Variants in AHDC1 observed in about 807,000 individuals in gnomAD.
AHDC1 encodes the protein AT-hook DNA binding motif containing 1.
Under a neutral mutation model 87.9 loss-of-function variants are expected in AHDC1, and 7 were observed. That is an observed-to-expected ratio of 0.08 (90% CI 0.05 to 0.15). The LOEUF (loss-of-function observed/expected upper bound fraction) is 0.15. Among genes scored for constraint, AHDC1 ranks in the 10% least tolerant of loss-of-function variants. The pLI is 1.00. For synonymous variants in AHDC1, 1,051 were observed against 1,006.8 expected, an observed-to-expected ratio of 1.04 and a Z score of -0.83; for missense variants, 1,841 against 2,253.2, an observed-to-expected ratio of 0.82 and a Z score of 3.70.
intron 8 of AHDC1, among the ~76,000 whole-genome samples, chr1:27,545,639 T>C (rs777595182): frequency 2.5e-4 from 38 of 152,076 alleles, no homozygotes; most frequent in Non-Finnish European, 4.3e-4. Flanking sequence ...AGTTTCTCCC[T>C]GGCCTGCTTC....
At chr1:27,564,145 ACT>A (rs1443959869) in intron 3 of AHDC1, among the ~76,000 whole-genome samples, 3 of 151,668 alleles carry the variant, frequency 2.0e-5, no homozygotes, top group Admixed American at 6.6e-5. Context: ...CAGGAACATG[ACT>A]CACCCAGGGA....
Position 27,549,455 on chromosome 1 carries a change from G to A in AHDC1, c.2661C>T (p.Thr887=), listed in dbSNP as rs1357450053. The part of the protein sequence containing the change: ...SALPAQRGLA[T]FPSRGAKASP... ...TGGCCTTGGCTCCCCGGCTAGGGAA[G>A]GTGGCCAGGCCCCGCTGGGCAGGCA... Residue 887 remains threonine (T), a synonymous_variant, in exon 8 of 9, where the codon ACC becomes ACT. Coordinates refer to ENST00000673934, the MANE Select transcript of AHDC1 (RefSeq NM_001371928.1). The A allele has an allele frequency of 2.1e-5, 34 of 1,612,796 alleles. No individual in the cohort carries two copies. The highest frequency in any genetic ancestry group is 4.0e-5 in the African/African-American group (3 of 74,922).
chr1:27,595,376 G>A lies in AHDC1; in HGVS notation c.-629+8021C>T, dbSNP rs775588938. On this transcript the variant is annotated intron_variant, in intron 3 of 8. Transcript: ENST00000673934. This position sits in a 1 kb window ranked among gnomAD's most constrained non-coding sequence, Gnocchi z 4.0. ...TATGAGTCAGTGGGAAGGTAGCAGG[G>A]CTGTAGCTGGGTCCTGGGTGTATCT... Among the ~76,000 whole-genome samples the A allele has an allele frequency of 6.6e-6, 1 of 151,668 alleles. No homozygotes were observed. The highest frequency in any genetic ancestry group is 1.5e-5 in the Non-Finnish European group (1 of 67,928).
chr1:27,576,227 C>T (rs1408916141), intron 3 of AHDC1, among the ~76,000 whole-genome samples: 5 of 152,084 alleles, frequency 3.3e-5, no homozygotes, highest in African/African-American at 1.2e-4. Flanking sequence ...GTTGAGCTAC[C>T]CGGCTTTATA....
At chr1:27,555,869 G>A (rs565067565) in intron 5 of AHDC1, among the ~76,000 whole-genome samples, 6 of 152,090 alleles carry the variant, frequency 3.9e-5, no homozygotes, top group Non-Finnish European at 5.9e-5. Flanking sequence ...CTCTGGGCAC[G>A]TCCTCCTGCC....
Position 27,551,789 on chromosome 1 carries a change from G to A in AHDC1, c.327C>T (p.Arg109=). 3 of 1,613,270 alleles carry A rather than the reference G, an allele frequency of 1.9e-6. No individual in the cohort carries two copies. Among genetic ancestry groups the A allele is most frequent in the African/African-American group, 1.3e-5 (1 of 74,978 alleles). The change falls in exon 8 of 9, where the codon CGC becomes CGT. Residue 109 remains arginine, a synonymous_variant. Coordinates refer to ENST00000673934, the MANE Select transcript of AHDC1 (RefSeq NM_001371928.1). Reference sequence around the variant, plus strand: ...GGTTCACCCGCCCGTTGTCCCAGCAGCGTCGGGAGCTGCTGCCGTCTCCGA... The same window carrying A: ...GGTTCACCCGCCCGTTGTCCCAGCAACGTCGGGAGCTGCTGCCGTCTCCGA... ...TPVGDGSSSR[R]CWDNGRVNLR... is the part of the protein sequence containing the mutation.
chr1:27,560,721 T>C lies in AHDC1; in HGVS notation c.-628-1838A>G, dbSNP rs548237385. On this transcript the variant is annotated intron_variant, in intron 3 of 8. Transcript: ENST00000673934. This position sits in a 1 kb window ranked among gnomAD's most constrained non-coding sequence, Gnocchi z 4.1. ...TGTATGTCAGTGGGTCCTTGTGCTA[T>C]GTCACTGTATGATTGTGCCAGTATG... Among the ~76,000 whole-genome samples the C allele has an allele frequency of 2.3e-4, 35 of 152,292 alleles. 1 individual carries two copies. The highest frequency in any genetic ancestry group is 7.9e-4 in the African/African-American group (33 of 41,544).
rs1374444411 is a variant in AHDC1, at chr1:27,549,822, C to G, written c.2294G>C (p.Gly765Ala). ...VPSGPGFGEA[G>A]AEWAGDKGGG... is the part of the protein sequence containing the mutation. The stretch of plus-strand genomic sequence containing the variant: ...ACCCTTATCCCCGGCCCACTCAGCA[C>G]CTGCCTCCCCAAAGCCTGGGCCACT... Residue 765 changes from glycine (G) to alanine (A), a missense_variant, in exon 8 of 9, where the codon GGT (glycine) becomes GCT (alanine). Gly to Ala is a moderately conservative substitution (Grantham distance 60). Around this residue, in one of 13 missense-constraint regions of AHDC1, gnomAD observed 236 missense variants for 257.9 expected, o/e 0.92. Transcript: ENST00000673934. The G allele has an allele frequency of 6.2e-7, 1 of 1,613,680 alleles. No individual in the cohort carries two copies. The highest frequency in any genetic ancestry group is 2.2e-5 in the East Asian group (1 of 44,870).
chr1:27,568,417 C>A (rs1186886633), intron 3 of AHDC1, among the ~76,000 whole-genome samples: 1 of 152,142 alleles, frequency 6.6e-6, no homozygotes, highest in Non-Finnish European at 1.5e-5. Context: ...AGGAGCTTCA[C>A]GGGAGCAGAG....
intron 3 of AHDC1, among the ~76,000 whole-genome samples, chr1:27,566,422 G>A (rs1035456069): frequency 1.3e-5 from 2 of 151,944 alleles, no homozygotes; most frequent in African/African-American, 2.4e-5. Flanking sequence ...AGACAGGCAG[G>A]ATGATGCAGA....
Position 27,551,819 on chromosome 1 carries a change from T to C in AHDC1, c.297A>G (p.Thr99=). The C allele has an allele frequency of 1.2e-6, 2 of 1,611,702 alleles. No homozygotes were observed. The highest frequency in any genetic ancestry group is 1.7e-6 in the Non-Finnish European group (2 of 1,179,712). The change falls in exon 8 of 9, where the codon ACA becomes ACG. Residue 99 remains threonine, a synonymous_variant. Transcript: ENST00000673934. The stretch of plus-strand genomic sequence containing the variant: ...GGGAGCTGCTGCCGTCTCCGACCGG[T>C]GTGGGGCAGCGGGCCTGTGAGACAG... ...ARPVSQARCP[T]PVGDGSSSRR...
rs572426411 is a variant in AHDC1, at chr1:27,568,593, C to A, written c.-628-9710G>T. On this transcript the variant is annotated intron_variant, in intron 3 of 8. Coordinates refer to ENST00000673934, the MANE Select transcript of AHDC1 (RefSeq NM_001371928.1). ...ACCAGGAGCGGTGCCCGCGAGGGGGCGGGCCGCGCGGGCCGGGCTCCCGGA... is the reference window on the plus strand; with the variant it reads ...ACCAGGAGCGGTGCCCGCGAGGGGGAGGGCCGCGCGGGCCGGGCTCCCGGA... Among the ~76,000 whole-genome samples the A allele has an allele frequency of 7.7e-4, 117 of 152,152 alleles. 1 individual carries two copies. The highest frequency in any genetic ancestry group is 6.8e-3 in the South Asian group (33 of 4,818).
rs1358374879 is a variant in AHDC1, at chr1:27,593,384, G to T, written c.-629+10013C>A. 6.6e-6 allele frequency among the ~76,000 whole-genome samples: 1 copy of T among 152,166 alleles called. No individual in the cohort carries two copies. Among genetic ancestry groups the T allele is most frequent in the African/African-American group, 2.4e-5 (1 of 41,434 alleles). On this transcript the variant is annotated intron_variant, in intron 3 of 8. Transcript: ENST00000673934. The surrounding 1 kb of genome is among the most constrained non-coding windows in gnomAD (Gnocchi z 4.9). ...TGCAGTGAATGCCCCAGAGTCTACC[G>T]CAGTGTGCCCACTGCTGCCGCCACC...
chr1:27,602,493 G>A (rs1178373306), intron 3 of AHDC1, among the ~76,000 whole-genome samples: 1 of 152,120 alleles, frequency 6.6e-6, no homozygotes, highest in Non-Finnish European at 1.5e-5. Flanking sequence ...CAGGAAACAA[G>A]GTTATTTCCT....
At chr1:27,600,249 T>TC (rs2089494213) in intron 3 of AHDC1, among the ~76,000 whole-genome samples, 1 of 151,620 alleles carries the variant, frequency 6.6e-6, no homozygotes, top group Non-Finnish European at 1.5e-5. Flanking sequence ...CCTCCCATAG[T>TC]CCCCAGCTCC....
In AHDC1 at chr1:27,546,882, C is replaced by T. The variant is rs961793223; in HGVS notation, c.*43+379G>A. Reference sequence around the variant, plus strand: ...TTCACCTGTCTCACACAGGGCGATACAAATGCCCACCCTTATCAGCGTATT... The same window carrying T: ...TTCACCTGTCTCACACAGGGCGATATAAATGCCCACCCTTATCAGCGTATT... On this transcript the variant is annotated intron_variant, in intron 8 of 8. Transcript: ENST00000673934. 3.3e-5 allele frequency among the ~76,000 whole-genome samples: 5 copies of T among 152,208 alleles called. No homozygotes were observed. The East Asian group carries it at 5.8e-4, about 18-fold the overall frequency.
intron 5 of AHDC1, among the ~76,000 whole-genome samples, chr1:27,555,216 C>T (rs1049136417): frequency 2.0e-4 from 31 of 152,206 alleles, no homozygotes; most frequent in Admixed American, 2.0e-3. Flanking sequence ...GAATGTGACT[C>T]ATAGATGTGA....
chr1:27,573,054 G>GC (rs2088591964), intron 3 of AHDC1, among the ~76,000 whole-genome samples: 1 of 152,182 alleles, frequency 6.6e-6, no homozygotes, highest in African/African-American at 2.4e-5. Flanking sequence ...TGGGTGATAA[G>GC]CCCCCTCCAT....
intron 8 of AHDC1, among the ~76,000 whole-genome samples, chr1:27,540,276 C>T (rs935568067): frequency 6.6e-6 from 1 of 152,180 alleles, no homozygotes; most frequent in Non-Finnish European, 1.5e-5. Flanking sequence ...ACACCCTGTC[C>T]CTGCCCTTCT....
Sources: gnomAD v4.1 joint callset for allele counts (sites outside exome capture counted in the v4.1 genomes callset) on GRCh38, gnomAD v4.1.1 for gene constraint, gnomAD v4.1.1 regional missense constraint, Gnocchi (gnomAD v3.1) non-coding constraint, MANE v1.5 for transcripts, NCBI Gene and HGNC (gene_info 2026-07-23, HGNC 2026-07-21) for gene names.